Variants in RIPK2 observed in about 807,000 individuals in gnomAD.
RIPK2 encodes the protein receptor-interacting serine/threonine-protein kinase 2.
Under a neutral mutation model 60.9 loss-of-function variants are expected in RIPK2, and 38 were observed. That is an observed-to-expected ratio of 0.62 (90% confidence interval 0.48 to 0.82). The LOEUF (loss-of-function observed/expected upper bound fraction) is 0.82. RIPK2 is among the 40% of genes least tolerant of loss of function. RIPK2 has a pLI of 0.00. For synonymous variants in RIPK2, 225 were observed against 223.4 expected (o/e 1.01, Z -0.06); for missense variants, 518 against 647.0 (o/e 0.80, Z 2.16).
intron 6 of RIPK2, among the ~76,000 whole-genome samples, chr8:89,777,171 T>C (rs971212386): frequency 3.9e-5 from 6 of 152,188 alleles, no homozygotes; most frequent in African/African-American, 1.4e-4. Flanking sequence ...AAGTATTCAG[T>C]GGAGCACTGA....
intron 10 of RIPK2, 47 bp from the exon 11 acceptor site, chr8:89,790,032 G>A (rs1212070129): frequency 7.5e-7 from 1 of 1,337,268 alleles, no homozygotes. Flanking sequence ...TTATTGCTAT[G>A]TATCTGTCCT....
chr8:89,781,610 C>A (rs1030219301), intron 7 of RIPK2, among the ~76,000 whole-genome samples: 3 of 151,948 alleles, frequency 2.0e-5, no homozygotes, highest in Non-Finnish European at 4.4e-5. Context: ...TTCTGTGATA[C>A]TTATAGGGCA....
At chr8:89,783,644 C>T (rs141446376) in intron 7 of RIPK2, among the ~76,000 whole-genome samples, 1 of 152,184 alleles carries the variant, frequency 6.6e-6, no homozygotes, top group African/African-American at 2.4e-5. Context: ...GGCACAGTGC[C>T]TAAAATGTGG....
Position 89,789,304 on chromosome 8 carries a change from G to A in RIPK2, c.1124-17G>A. The stretch of plus-strand genomic sequence containing the variant: ...TAAGGAGTATTCTACTTCTAATGAA[G>A]ATGTTGTATTTTGTAGGAAAAGCTC... On this transcript the variant is annotated splice_polypyrimidine_tract_variant and intron_variant, in intron 9 of 10. Coordinates refer to ENST00000220751, the MANE Select transcript of RIPK2 (RefSeq NM_003821.6). 2 of 1,609,204 alleles carry A rather than the reference G, an allele frequency of 1.2e-6. No homozygotes were observed. Among genetic ancestry groups the A allele is most frequent in the Non-Finnish European group, 1.7e-6 (2 of 1,176,276 alleles).
At chr8:89,784,987 C>T (rs1044125569) in intron 8 of RIPK2, among the ~76,000 whole-genome samples, 1 of 152,040 alleles carries the variant, frequency 6.6e-6, no homozygotes, top group Non-Finnish European at 1.5e-5. Flanking sequence ...TCTCAGGAAT[C>T]CACTCACCAC....
At chr8:89,778,670 T>C (rs1809442652) in intron 6 of RIPK2, among the ~76,000 whole-genome samples, 2 of 152,234 alleles carry the variant, frequency 1.3e-5, no homozygotes, top group South Asian at 2.1e-4. Context: ...TGTTGAATAA[T>C]ACATCATCAT....
chr8:89,779,931 G>A (rs1809470658), intron 6 of RIPK2, 144 bp from the exon 7 acceptor site: 2 of 567,442 alleles, frequency 3.5e-6, no homozygotes, highest in Non-Finnish European at 6.3e-6. Context: ...CTATCTTTAT[G>A]TCAGTAATAA....
chr8:89,773,158 T>C (rs1028308440), intron 6 of RIPK2, among the ~76,000 whole-genome samples: 21 of 152,120 alleles, frequency 1.4e-4, no homozygotes, highest in African/African-American at 4.6e-4. Flanking sequence ...CTGTAGCTAG[T>C]TCACATTCTA....
intron 3 of RIPK2, among the ~76,000 whole-genome samples, chr8:89,765,746 CA>C (rs1209202652): frequency 2.0e-5 from 3 of 151,350 alleles, no homozygotes; most frequent in Non-Finnish European, 3.0e-5. Context: ...ATTGAATTGT[CA>C]AGATCACCTT....
chr8:89,776,788 C>T (rs548505365), intron 6 of RIPK2, among the ~76,000 whole-genome samples: 10 of 152,216 alleles, frequency 6.6e-5, no homozygotes, highest in African/African-American at 2.2e-4. Flanking sequence ...TTTAGAGAAA[C>T]CAGCGACCCC....
At position 89,779,310 on chromosome 8, in the gene RIPK2, G is replaced by GTTTTTTTTTTT. The variant is rs55784154; in HGVS notation, c.854-753_854-743dup. On this transcript the variant is annotated intron_variant, in intron 6 of 10. Coordinates refer to ENST00000220751, the MANE Select transcript of RIPK2 (RefSeq NM_003821.6). ...AGTCCAATTTTTAGGCGGTTTTTGG[G>GTTTTTTTTTTT]TTTTTTTTTTTTTTTTTTTTTTGAG... is the stretch of plus-strand genomic sequence containing the variant. Among the ~76,000 whole-genome samples, 32 of 79,112 alleles carry GTTTTTTTTTTT rather than the reference G, an allele frequency of 4.0e-4. 2 individuals carry two copies. The highest frequency in any genetic ancestry group is 5.5e-4 in the Non-Finnish European group (26 of 47,176). The allele number at this position is 79,112 out of a possible 152,430, so 51.9% of individuals were successfully genotyped here.
intron 8 of RIPK2, among the ~76,000 whole-genome samples, chr8:89,785,165 A>G (rs1245799930): frequency 6.6e-6 from 1 of 152,160 alleles, no homozygotes. Flanking sequence ...ACCTCATATG[A>G]TAGGTCGCAG....
chr8:89,772,941 T>A, intron 6 of RIPK2, 113 bp downstream of exon 6: 1 of 620,136 alleles, frequency 1.6e-6, no homozygotes, highest in Non-Finnish European at 2.5e-6. Context: ...AGAAGTTGTT[T>A]AAATTATTTT....
chr8:89,758,038 A>C lies in RIPK2; in HGVS notation c.-23A>C, dbSNP rs767464753. The C allele has an allele frequency of 6.4e-7, 1 of 1,556,770 alleles. No homozygotes were observed. Among genetic ancestry groups the C allele is most frequent in the African/African-American group, 1.4e-5 (1 of 73,382 alleles). On this transcript the variant is annotated 5_prime_UTR_variant, in exon 1 of 11. Transcript: ENST00000220751. ...CCGCCGCAGCAGGGGGCACACCCGG[A>C]ACCGGCCTGAGCGCCCGGGACCATG...
chr8:89,784,405 A>G (rs1809552202), intron 8 of RIPK2, among the ~76,000 whole-genome samples: 2 of 152,180 alleles, frequency 1.3e-5, no homozygotes, highest in African/African-American at 4.8e-5. Context: ...TATACAATAA[A>G]TGATATCCCA....
intron 7 of RIPK2, among the ~76,000 whole-genome samples, chr8:89,783,387 G>C (rs1394344041): frequency 6.6e-6 from 1 of 152,154 alleles, no homozygotes; most frequent in Non-Finnish European, 1.5e-5. Flanking sequence ...TAATGTTTGG[G>C]CCTTTTTGCA....
chr8:89,761,923 C>T (rs1809153500), intron 1 of RIPK2, among the ~76,000 whole-genome samples: 1 of 152,028 alleles, frequency 6.6e-6, no homozygotes, highest in South Asian at 2.1e-4. Flanking sequence ...CTTTAGCCTT[C>T]CCTTTAATTT....
chr8:89,761,859 C>T (rs892880498), intron 1 of RIPK2, among the ~76,000 whole-genome samples: 3 of 152,156 alleles, frequency 2.0e-5, no homozygotes, highest in Non-Finnish European at 4.4e-5. Flanking sequence ...TATTCACCTT[C>T]ACTCCTTTTA....
chr8:89,790,333 C>A lies in RIPK2; in HGVS notation c.1540C>A (p.Gln514Lys). The A allele has an allele frequency of 6.2e-7, 1 of 1,614,026 alleles. No individual in the cohort carries two copies. ...VIVQKLKDNKQMGLQPYPEIL... is the reference protein window; with the variant it reads ...VIVQKLKDNKKMGLQPYPEIL... ...AGTACAAAAATTGAAAGATAACAAA[C>A]AAATGGGTCTTCAGCCTTACCCGGA... Residue 514 changes from glutamine (Q) to lysine (K), a missense_variant, in exon 11 of 11, where the codon CAA becomes AAA. Gln to Lys is a moderately conservative substitution (Grantham distance 53, BLOSUM62 1). This residue lies in a region of RIPK2 where 41 missense variants were observed against 43.7 expected (regional missense o/e 0.94). Transcript: ENST00000220751.
Sources: gnomAD v4.1 joint callset for allele counts (sites outside exome capture counted in the v4.1 genomes callset) on GRCh38, gnomAD v4.1.1 for gene constraint, gnomAD v4.1.1 regional missense constraint, MANE v1.5 for transcripts, NCBI Gene and HGNC (gene_info 2026-07-23, HGNC 2026-07-21) for gene names.